Variants in RBFOX1 observed in about 807,000 individuals in gnomAD.
RBFOX1 encodes RNA binding fox-1 homolog 1.
A neutral mutation model predicts 57.7 loss-of-function variants in RBFOX1; 8 were observed. The observed-to-expected ratio is 0.14, with a 90% CI of 0.08 to 0.25. The LOEUF (loss-of-function observed/expected upper bound fraction) is 0.25, where lower values mean the gene tolerates loss of function less well. RBFOX1 is among the 10% of genes least tolerant of loss of function. The pLI, the probability that RBFOX1 is intolerant of heterozygous loss-of-function variation, is 1.00. For synonymous variants in RBFOX1, 326 were observed against 222.4 expected (o/e 1.47, Z -4.15); for missense variants, 611 against 548.5 (o/e 1.11, Z -1.14).
intron 5 of RBFOX1, among the ~76,000 whole-genome samples, chr16:7,528,057 C>A (rs1179823755): frequency 6.6e-6 from 1 of 152,168 alleles, no homozygotes. Flanking sequence ...AGGTCGTGGG[C>A]AAACAAAGTG....
At chr16:5,667,509 G>T (rs1470999619) in intron 3 of RBFOX1, among the ~76,000 whole-genome samples, 1 of 152,234 alleles carries the variant, frequency 6.6e-6, no homozygotes, top group Non-Finnish European at 1.5e-5. Context: ...TAGGATTGAT[G>T]TGAGTGAGCG....
intron 3 of RBFOX1, among the ~76,000 whole-genome samples, chr16:5,762,141 A>G (rs965558706): frequency 6.6e-6 from 1 of 152,126 alleles, no homozygotes; most frequent in African/African-American, 2.4e-5. Context: ...AATAACAAGC[A>G]CTCAGTAATT....
rs1198430671 is a variant in RBFOX1, at chr16:7,423,088, GGAGAAA to G, written c.28-95054_28-95049del. 5 of 78,280 alleles carry G rather than the reference GGAGAAA, an allele frequency of 6.4e-5. No individual in the cohort carries two copies. The East Asian group carries it at 1.2e-3, about 19-fold the overall frequency. The allele number at this position is 78,280 out of a possible 1,614,324, so 4.8% of individuals were successfully genotyped here. A position where few individuals can be genotyped will look rare whatever the true frequency, so the allele number is the denominator to read the frequency against. On this transcript the variant is annotated intron_variant, in intron 4 of 15. Coordinates refer to ENST00000550418, the MANE Select transcript of RBFOX1 (RefSeq NM_018723.4). ...CTGAAACTAGGAGAGAGAGAATGAG[GGAGAAA>G]GAGAGAGAGAGAGAGAGAGAGAGAG...
chr16:6,392,110 G>C (rs898119427), intron 2 of RBFOX1, among the ~76,000 whole-genome samples: 6 of 152,212 alleles, frequency 3.9e-5, no homozygotes, highest in African/African-American at 1.4e-4. Context: ...TATGCCCAGA[G>C]TGACTCTGTT....
chr16:5,644,146 A>G (rs2048971115), intron 3 of RBFOX1, among the ~76,000 whole-genome samples: 1 of 152,266 alleles, frequency 6.6e-6, no homozygotes, highest in African/African-American at 2.4e-5. Flanking sequence ...TGGTCAGGAA[A>G]TAATCGCGTC....
rs542704908 is a variant in RBFOX1, at chr16:7,581,365, G to T, written c.414+1445G>T. Among the ~76,000 whole-genome samples, 3 of 152,154 alleles carry T rather than the reference G, an allele frequency of 2.0e-5. No homozygotes were observed. In the South Asian group the frequency reaches 6.2e-4, roughly 32 times the overall value. ...AGTGTGTGTGAGGCAGTAAGACCAGGTGTGAATGATGGGCGGTAAGAGGAG... is the reference window on the plus strand; with the variant it reads ...AGTGTGTGTGAGGCAGTAAGACCAGTTGTGAATGATGGGCGGTAAGAGGAG... On this transcript the variant is annotated intron_variant, in intron 6 of 15. Coordinates refer to ENST00000550418, the MANE Select transcript of RBFOX1 (RefSeq NM_018723.4).
chr16:7,638,633 A>G (rs950908247), intron 11 of RBFOX1, among the ~76,000 whole-genome samples: 1 of 152,018 alleles, frequency 6.6e-6, no homozygotes, highest in Non-Finnish European at 1.5e-5. Context: ...GCTGGATGTT[A>G]TTAATATTTT....
At chr16:5,708,479 G>C (rs1567427674) in intron 3 of RBFOX1, among the ~76,000 whole-genome samples, 1 of 152,144 alleles carries the variant, frequency 6.6e-6, no homozygotes, top group Admixed American at 6.5e-5. Flanking sequence ...GCTATTAGTA[G>C]ATCCACCTGC....
At chr16:5,778,431 A>G (rs1470892882) in intron 3 of RBFOX1, among the ~76,000 whole-genome samples, 1 of 152,120 alleles carries the variant, frequency 6.6e-6, no homozygotes, top group African/African-American at 2.4e-5. Context: ...GATGGGCTTC[A>G]GCTCCCTGCC....
At chr16:7,190,846 A>G (rs1249325627) in intron 4 of RBFOX1, among the ~76,000 whole-genome samples, 1 of 152,232 alleles carries the variant, frequency 6.6e-6, no homozygotes, top group East Asian at 1.9e-4. Flanking sequence ...ATAGACGCAC[A>G]TGATGAACAA....
chr16:5,672,857 GTGT>G (rs1567377780), intron 3 of RBFOX1, among the ~76,000 whole-genome samples: 9 of 6,918 alleles, frequency 1.3e-3, no homozygotes, highest in East Asian at 0.083. Context: ...CACCGTAGGT[GTGT>G]GTGTGTGTGT....
At chr16:6,033,034 G>T (rs2095312669) in intron 1 of RBFOX1, among the ~76,000 whole-genome samples, 1 of 152,092 alleles carries the variant, frequency 6.6e-6, no homozygotes, top group Non-Finnish European at 1.5e-5. Flanking sequence ...GTAGTGTAGG[G>T]TTGGGTATGG....
intron 9 of RBFOX1, among the ~76,000 whole-genome samples, chr16:7,604,751 A>G (rs2095217024): frequency 6.6e-6 from 1 of 152,198 alleles, no homozygotes; most frequent in South Asian, 2.1e-4. Context: ...TCATTGGCAA[A>G]TTTATAATCT....
chr16:6,712,537 G>A (rs1418750040), intron 3 of RBFOX1, among the ~76,000 whole-genome samples: 2 of 152,008 alleles, frequency 1.3e-5, no homozygotes. Context: ...GTGACACAGG[G>A]CATCATCTTC....
rs145780304 is a variant in RBFOX1, at chr16:5,817,178, C to CTG, written c.319-50113_319-50112dup. ...TCTTGTGCACTCTCTCTCTATCTCT[C>CTG]TGTGTGTGTGTGTTTGTGTGTGTGT... On this transcript the variant is annotated intron_variant, in intron 3 of 19. Coordinates refer to the RBFOX1 transcript ENST00000641259. 3.3e-5 allele frequency among the ~76,000 whole-genome samples: 5 copies of CTG among 152,120 alleles called. 1 individual carries two copies. The highest frequency in any genetic ancestry group is 2.0e-4 in the Admixed American group (3 of 15,274).
At position 5,657,732 on chromosome 16, in the gene RBFOX1, C is replaced by CTTTTTTTT. The variant is rs71386513; in HGVS notation, c.318+58775_318+58776insTTTTTTTT. Among the ~76,000 whole-genome samples, 4 of 98,350 alleles carry CTTTTTTTT rather than the reference C, an allele frequency of 4.1e-5. 2 individuals carry two copies. The highest frequency in any genetic ancestry group is 7.5e-5 in the Non-Finnish European group (4 of 53,158). 64.5% of individuals were successfully genotyped at this position (98,350 alleles called of 152,430 possible). A position where few individuals can be genotyped will look rare whatever the true frequency, so the allele number is the denominator to read the frequency against. ...TTTCTCTCTTTCTTTTGTTTCTTTT[C>CTTTTTTTT]TTTTCTTTTTTTTTTTTTGAGACAG... is the stretch of plus-strand genomic sequence containing the variant. On this transcript the variant is annotated intron_variant, in intron 3 of 19. Coordinates refer to the RBFOX1 transcript ENST00000641259.
chr16:6,250,043 G>A (rs534099271), intron 1 of RBFOX1, among the ~76,000 whole-genome samples: 1 of 152,196 alleles, frequency 6.6e-6, no homozygotes, highest in Admixed American at 6.5e-5. Context: ...TAAGCAGGAG[G>A]TGATGTTAAG....
At chr16:5,705,545 C>T (rs1341837207) in intron 3 of RBFOX1, among the ~76,000 whole-genome samples, 1 of 152,190 alleles carries the variant, frequency 6.6e-6, no homozygotes, top group African/African-American at 2.4e-5. Flanking sequence ...ACGAGCGAAA[C>T]ATTGACATTA....
intron 3 of RBFOX1, among the ~76,000 whole-genome samples, chr16:6,761,951 T>C (rs948600016): frequency 2.6e-5 from 4 of 152,118 alleles, no homozygotes; most frequent in Non-Finnish European, 5.9e-5. Flanking sequence ...CTGACATTTT[T>C]TGTTCAACCA....
Sources: gnomAD v4.1 joint callset for allele counts (sites outside exome capture counted in the v4.1 genomes callset) on GRCh38, gnomAD v4.1.1 for gene constraint, MANE v1.5 for transcripts, NCBI Gene and HGNC (gene_info 2026-07-23, HGNC 2026-07-21) for gene names.